The following SRFBP1 variants were observed in gnomAD, a reference collection of about 807,000 sequenced individuals.
SRFBP1 encodes the protein serum response factor-binding protein 1.
Under a neutral mutation model 45.5 loss-of-function variants are expected in SRFBP1, and 47 were observed. The observed-to-expected ratio is 1.03, with a 90% CI of 0.82 to 1.32. The LOEUF (loss-of-function observed/expected upper bound fraction) is 1.32, where lower values mean the gene tolerates loss of function less well. Ranked by LOEUF, SRFBP1 falls within the 40% of genes most tolerant of loss-of-function variation. SRFBP1 has a pLI of 0.00. For missense variants in SRFBP1, 621 were observed against 484.6 expected (o/e 1.28, Z -2.64); for synonymous variants, 203 against 166.3 (o/e 1.22, Z -1.70).
intron 3 of SRFBP1, among the ~76,000 whole-genome samples, chr5:121,978,625 G>A (rs1198746849): frequency 6.6e-6 from 1 of 152,050 alleles, no homozygotes; most frequent in Non-Finnish European, 1.5e-5. Flanking sequence ...CTGAGTAACT[G>A]GGACTACAGT....
downstream of SRFBP1, among the ~76,000 whole-genome samples, chr5:122,078,671 C>A (rs1287866327): frequency 7.1e-6 from 1 of 141,670 alleles, no homozygotes; most frequent in Admixed American, 7.2e-5. Flanking sequence ...GAGAGGGGGG[C>A]GGGGGAGGAT....
At chr5:121,977,899 C>T (rs912560269) in intron 3 of SRFBP1, among the ~76,000 whole-genome samples, 1 of 152,036 alleles carries the variant, frequency 6.6e-6, no homozygotes, top group Non-Finnish European at 1.5e-5. Context: ...GTGTATGAAA[C>T]CCAAGTCTTT....
chr5:122,011,136 C>T (rs1398687610), intron 4 of SRFBP1, among the ~76,000 whole-genome samples: 2 of 152,144 alleles, frequency 1.3e-5, no homozygotes, highest in Non-Finnish European at 2.9e-5. Context: ...TAGCATTCTA[C>T]CTCCACCAGT....
At chr5:122,029,786 A>G (rs1359455661), downstream of SRFBP1, among the ~76,000 whole-genome samples, 5 of 152,156 alleles carry the variant, frequency 3.3e-5, no homozygotes, top group South Asian at 6.2e-4. Context: ...ATTTTGTGCA[A>G]TTTCCTAGTT....
chr5:122,006,964 GT>G (rs535562561), intron 4 of SRFBP1, among the ~76,000 whole-genome samples: 16 of 152,080 alleles, frequency 1.1e-4, no homozygotes, highest in African/African-American at 3.9e-4. Flanking sequence ...TATCTCTTAG[GT>G]TTTTTCTGTC....
chr5:122,020,754 T>G lies in SRFBP1; in HGVS notation c.1019T>G (p.Leu340Ter), dbSNP rs1166991414. Residue 340 changes from leucine (L) to a stop codon, truncating the protein, a stop_gained, in exon 6 of 8, where the codon TTA becomes TGA. Transcript: ENST00000339397. LOFTEE classifies it high-confidence loss of function. Reference sequence around the variant, plus strand: ...AAGCCAAGTACAGAAACCAGAAAGTTAGAATCAGTGTTTTTCCACTCTTTA... The same window carrying G: ...AAGCCAAGTACAGAAACCAGAAAGTGAGAATCAGTGTTTTTCCACTCTTTA... ...KIKPSTETRK[L>*]ESVFFHSLSG... 1 of 1,601,232 alleles carries G rather than the reference T, an allele frequency of 6.2e-7. No homozygotes were observed. Among genetic ancestry groups the G allele is most frequent in the Non-Finnish European group, 8.5e-7 (1 of 1,176,380 alleles).
downstream of SRFBP1, among the ~76,000 whole-genome samples, chr5:122,076,249 G>A (rs1186652396): frequency 6.6e-6 from 1 of 152,148 alleles, no homozygotes; most frequent in African/African-American, 2.4e-5. Context: ...ATATGTTCAG[G>A]TGGTATTGAT....
At chr5:122,068,626 G>C (rs1421417953) in intron 2 of SRFBP1, among the ~76,000 whole-genome samples, 1 of 152,124 alleles carries the variant, frequency 6.6e-6, no homozygotes, top group Admixed American at 6.6e-5. Flanking sequence ...CAGTGGACAA[G>C]AGACTAAATC....
chr5:121,994,632 C>T lies in SRFBP1; in HGVS notation c.232C>T (p.Leu78Phe), dbSNP rs779001876. The T allele has an allele frequency of 6.3e-7, 1 of 1,596,868 alleles. No individual in the cohort carries two copies. The highest frequency in any genetic ancestry group is 1.1e-5 in the South Asian group (1 of 87,630). ...LKPDIVTKSALGDDINFEKIF... is the reference protein window; with the variant it reads ...LKPDIVTKSAFGDDINFEKIF... ...ACCTGACATAGTAACTAAATCTGCT[C>T]TTGGTGATGATATCAACTTTGAAAA... The change falls in exon 4 of 8, where the codon CTT becomes TTT. Residue 78 changes from leucine to phenylalanine, a missense_variant. By Grantham distance (22) the Leu-to-Phe change is conservative. Transcript: ENST00000339397.
At chr5:122,016,038 T>C (rs1176441099) in intron 4 of SRFBP1, among the ~76,000 whole-genome samples, 3 of 152,222 alleles carry the variant, frequency 2.0e-5, no homozygotes, top group African/African-American at 7.2e-5. Context: ...TACTGAGTTA[T>C]TACTACTTTT....
intron 2 of SRFBP1, among the ~76,000 whole-genome samples, chr5:122,045,806 A>T (rs1280016719): frequency 6.6e-6 from 1 of 152,090 alleles, no homozygotes; most frequent in Admixed American, 6.6e-5. Flanking sequence ...TGCAAACAGA[A>T]ATATTTTAAC....
At chr5:121,977,226 T>C (rs1752321063) in intron 3 of SRFBP1, among the ~76,000 whole-genome samples, 1 of 152,064 alleles carries the variant, frequency 6.6e-6, no homozygotes, top group Non-Finnish European at 1.5e-5. Flanking sequence ...CGCAATGGAA[T>C]GGTTGCATCA....
downstream of SRFBP1, among the ~76,000 whole-genome samples, chr5:122,029,178 C>G (rs899141668): frequency 4.6e-5 from 7 of 152,062 alleles, no homozygotes; most frequent in African/African-American, 1.7e-4. Flanking sequence ...TGGGATGCTG[C>G]TAAGCTGTGT....
intron 1 of SRFBP1, 81 bp downstream of exon 1, chr5:121,962,149 A>C: frequency 6.4e-7 from 1 of 1,568,522 alleles, no homozygotes; most frequent in East Asian, 2.2e-5. Context: ...GGAGGCGGGC[A>C]TAGAGGGTGC....
chr5:122,057,669 A>G (rs1473099640), intron 2 of SRFBP1, among the ~76,000 whole-genome samples: 4 of 151,968 alleles, frequency 2.6e-5, no homozygotes, highest in Non-Finnish European at 5.9e-5. Context: ...TGATTTTGAT[A>G]ATGAATCTAG....
downstream of SRFBP1, among the ~76,000 whole-genome samples, chr5:122,030,496 G>A (rs75127178): frequency 0.044 from 6,751 of 152,160 alleles, 177 homozygotes; most frequent in African/African-American, 0.06. Flanking sequence ...ATGGTTAACT[G>A]GAAGGCTTAA....
chr5:122,060,759 T>C (rs922080994), intron 2 of SRFBP1, among the ~76,000 whole-genome samples: 1 of 152,044 alleles, frequency 6.6e-6, no homozygotes. Context: ...AAACAGAGAA[T>C]AGACAGCAAG....
chr5:122,003,047 C>G (rs532878399), intron 4 of SRFBP1, among the ~76,000 whole-genome samples: 2 of 152,146 alleles, frequency 1.3e-5, no homozygotes, highest in African/African-American at 4.8e-5. Context: ...ATAATTCATT[C>G]ATAAAGAGAA....
At chr5:121,962,719 A>G (rs1429808608) in intron 1 of SRFBP1, among the ~76,000 whole-genome samples, 1 of 152,116 alleles carries the variant, frequency 6.6e-6, no homozygotes, top group Non-Finnish European at 1.5e-5. Context: ...ACAAAATACC[A>G]TTTCTACCAC....
Sources: gnomAD v4.1 joint callset for allele counts (sites outside exome capture counted in the v4.1 genomes callset) on GRCh38, gnomAD v4.1.1 for gene constraint, MANE v1.5 for transcripts, NCBI Gene and HGNC (gene_info 2026-07-23, HGNC 2026-07-21) for gene names.